The following L2HGDH variants were observed in gnomAD, a reference collection of about 807,000 sequenced individuals.
L2HGDH encodes the protein L-2-hydroxyglutarate dehydrogenase.
L2HGDH carries 34 observed loss-of-function variants against 51.5 expected under a neutral mutation model. That is an observed-to-expected ratio of 0.66 (90% CI 0.50 to 0.88). The LOEUF (loss-of-function observed/expected upper bound fraction) is 0.88. L2HGDH is among the 40% of genes least tolerant of loss of function. The probability of loss-of-function intolerance (pLI) is 0.00; values close to 1 mark genes in which losing one functional copy is unlikely to be tolerated. For synonymous variants in L2HGDH, 198 were observed against 197.9 expected, an observed-to-expected ratio of 1.00 and a Z score of -0.01; for missense variants, 558 against 571.9, an observed-to-expected ratio of 0.98 and a Z score of 0.25.
chr14:50,247,108 C>CA lies in L2HGDH; in HGVS notation c.1341dup (p.Ala448CysfsTer9), dbSNP rs1160947410. On this transcript the variant is annotated frameshift_variant, in exon 10 of 10. Coordinates refer to ENST00000267436, the MANE Select transcript of L2HGDH (RefSeq NM_024884.3). LOFTEE classifies it high-confidence loss of function. ...TCATCTGCAATCATTCCAGAAATTG[C>CA]AATGGAAGAAGTAGCAGCAGGAGAA... The CA allele has an allele frequency of 1.9e-6, 3 of 1,613,622 alleles. No individual in the cohort carries two copies. The highest frequency in any genetic ancestry group is 1.3e-5 in the African/African-American group (1 of 74,910).
chr14:50,245,919 C>T lies in L2HGDH; in HGVS notation c.*1139G>A, dbSNP rs1488401409. The T allele has an allele frequency of 9.0e-6, 5 of 556,054 alleles. No homozygotes were observed. Among genetic ancestry groups the T allele is most frequent in the African/African-American group, 4.1e-5 (2 of 48,790 alleles). 34.4% of individuals were successfully genotyped at this position (556,054 alleles called of 1,614,324 possible). On this transcript the variant is annotated 3_prime_UTR_variant, in exon 10 of 10. Coordinates refer to ENST00000267436, the MANE Select transcript of L2HGDH (RefSeq NM_024884.3). The stretch of plus-strand genomic sequence containing the variant: ...GGTGGATCACCTGAGGTCAGGAATT[C>T]GAGACCAGCCTGGCCAACATGGCAA...
intron 3 of L2HGDH, 143 bp from the exon 4 acceptor site, chr14:50,294,389 A>G: frequency 1.3e-6 from 1 of 758,624 alleles, no homozygotes. Context: ...CACATATCTA[A>G]TTCTTCCTTT....
At chr14:50,264,829 CAT>C (rs147763738) in intron 9 of L2HGDH, among the ~76,000 whole-genome samples, 5,403 of 152,248 alleles carry the variant, frequency 0.035, 314 homozygotes, top group African/African-American at 0.12. Context: ...AACCCCATGA[CAT>C]GTGTTTACCT....
chr14:50,265,086 T>A (rs1889261785), intron 9 of L2HGDH, among the ~76,000 whole-genome samples: 1 of 152,090 alleles, frequency 6.6e-6, no homozygotes, highest in Non-Finnish European at 1.5e-5. Context: ...TAAGGTAGCA[T>A]CACAATAAAG....
At position 50,308,343 on chromosome 14, in the gene L2HGDH, C is replaced by G. The variant is rs184903283; in HGVS notation, c.140+3668G>C. Among the ~76,000 whole-genome samples the G allele has an allele frequency of 2.9e-3, 442 of 150,552 alleles. 1 individual carries two copies. Among genetic ancestry groups the G allele is most frequent in the Non-Finnish European group, 4.1e-3 (278 of 67,884 alleles). ...AGGCCTCTGCGGTGAGCCGAGACCG[C>G]GCCACTGCGCTCCAGCCTGGGCAAC... is the stretch of plus-strand genomic sequence containing the variant. On this transcript the variant is annotated intron_variant, in intron 1 of 9. Transcript: ENST00000267436.
chr14:50,257,116 ACGGGGTTTTGC>A (rs1372873077), intron 9 of L2HGDH, among the ~76,000 whole-genome samples: 1 of 152,040 alleles, frequency 6.6e-6, no homozygotes, highest in Non-Finnish European at 1.5e-5. Context: ...TTTAGTAAAG[ACGGGGTTTTGC>A]CATGTTGGCT....
chr14:50,263,178 C>T lies in L2HGDH; in HGVS notation c.1196+2180G>A, dbSNP rs771271208. 3.2e-4 allele frequency among the ~76,000 whole-genome samples: 48 copies of T among 152,268 alleles called. No individual in the cohort carries two copies. The Middle Eastern group carries it at 0.014, about 43-fold the overall frequency. ...TCACTATGCTCACCTCGTTTGTTTT[C>T]CAAGGAATATCAATAGCAGTAATAG... On this transcript the variant is annotated intron_variant, in intron 9 of 9. Coordinates refer to ENST00000267436, the MANE Select transcript of L2HGDH (RefSeq NM_024884.3).
intron 1 of L2HGDH, among the ~76,000 whole-genome samples, chr14:50,310,962 G>A (rs1366239571): frequency 9.5e-6 from 1 of 105,126 alleles, no homozygotes; most frequent in Non-Finnish European, 1.8e-5. Context: ...TTTTTTTTGC[G>A]AGACAGAGTC....
At position 50,283,864 on chromosome 14, in the gene L2HGDH, G is replaced by A; in HGVS notation, c.703+7C>T. ...TATATTCAATAGAAAAGACAAGGAT[G>A]GCTTACCATCTATACTTCTTGAAGG... is the stretch of plus-strand genomic sequence containing the variant. On this transcript the variant is annotated splice_region_variant and intron_variant, in intron 5 of 9. Coordinates refer to ENST00000267436, the MANE Select transcript of L2HGDH (RefSeq NM_024884.3). 6.2e-7 allele frequency: 1 copy of A among 1,612,982 alleles called. No homozygotes were observed. Among genetic ancestry groups the A allele is most frequent in the Non-Finnish European group, 8.5e-7 (1 of 1,179,126 alleles).
In L2HGDH at chr14:50,244,975, A is replaced by G; in HGVS notation, c.*2083T>C. On this transcript the variant is annotated 3_prime_UTR_variant, in exon 10 of 10. Transcript: ENST00000267436. ...GTCAGGTCGCCACATTTTCATTTAC[A>G]ATTTCTATTTTCTAACTTTCTAAAT... The G allele has an allele frequency of 1.0e-6, 1 of 985,460 alleles. No individual in the cohort carries two copies. The highest frequency in any genetic ancestry group is 1.2e-6 in the Non-Finnish European group (1 of 829,864). The allele number at this position is 985,460 out of a possible 1,614,324, so 61.0% of individuals were successfully genotyped here. A position where few individuals can be genotyped will look rare whatever the true frequency, so the allele number is the denominator to read the frequency against.
chr14:50,289,991 C>T (rs760268916), intron 4 of L2HGDH, among the ~76,000 whole-genome samples: 1 of 152,126 alleles, frequency 6.6e-6, no homozygotes, highest in South Asian at 2.1e-4. Flanking sequence ...GTCGGCCAGG[C>T]GCAGTGGCTC....
At chr14:50,264,177 T>G (rs923171554) in intron 9 of L2HGDH, among the ~76,000 whole-genome samples, 35 of 148,800 alleles carry the variant, frequency 2.4e-4, no homozygotes, top group South Asian at 8.5e-4. Flanking sequence ...GTCGGGAGTT[T>G]GAGACCCGCC....
intron 9 of L2HGDH, among the ~76,000 whole-genome samples, chr14:50,262,221 C>A (rs1352764436): frequency 6.6e-6 from 1 of 152,022 alleles, no homozygotes; most frequent in African/African-American, 2.4e-5. Context: ...ATCATGAGGT[C>A]AGGAGATTGA....
At chr14:50,311,395 C>G (rs968116528) in intron 1 of L2HGDH, 6 of 455,928 alleles carry the variant, frequency 1.3e-5, no homozygotes, top group African/African-American at 6.0e-5. Flanking sequence ...ATAGCCAAAA[C>G]CTCTCCAAGC....
In L2HGDH at chr14:50,302,955, A is replaced by AT; in HGVS notation, c.202dup (p.Ile68AsnfsTer26). ...AATAGAAAGTGATGGATGTCGCAGG[A>AT]TGAGTGCTCTGGCAGAGGCAAGCCC... is the stretch of plus-strand genomic sequence containing the variant. On this transcript the variant is annotated frameshift_variant, in exon 2 of 10. Coordinates refer to ENST00000267436, the MANE Select transcript of L2HGDH (RefSeq NM_024884.3). LOFTEE classifies it high-confidence loss of function. 4 of 1,614,062 alleles carry AT rather than the reference A, an allele frequency of 2.5e-6. No homozygotes were observed. Among genetic ancestry groups the AT allele is most frequent in the Non-Finnish European group, 3.4e-6 (4 of 1,179,914 alleles).
chr14:50,248,979 ACAGAAC>A (rs1167447823), intron 9 of L2HGDH, among the ~76,000 whole-genome samples: 4 of 152,086 alleles, frequency 2.6e-5, no homozygotes, highest in Non-Finnish European at 5.9e-5. Flanking sequence ...TGGTGTGGAG[ACAGAAC>A]CTATGCACTT....
chr14:50,254,021 TGC>T (rs1888512551), intron 9 of L2HGDH, among the ~76,000 whole-genome samples: 1 of 151,958 alleles, frequency 6.6e-6, no homozygotes, highest in African/African-American at 2.4e-5. Flanking sequence ...AACCAGAGGC[TGC>T]GAAAGGTAGT....
At position 50,245,404 on chromosome 14, in the gene L2HGDH, GTGTACCAC is replaced by G. The variant is rs1887950886; in HGVS notation, c.*1646_*1653del. The stretch of plus-strand genomic sequence containing the variant: ...GATTGAAGAACAGGACAACCACTCA[GTGTACCAC>G]TGTTTAGATTTCATGATGATACCAT... On this transcript the variant is annotated 3_prime_UTR_variant, in exon 10 of 10. Transcript: ENST00000267436. The G allele has an allele frequency of 1.0e-6, 1 of 985,276 alleles. No homozygotes were observed. Among genetic ancestry groups the G allele is most frequent in the Non-Finnish European group, 1.2e-6 (1 of 829,862 alleles). 61.0% of individuals were successfully genotyped at this position (985,276 alleles called of 1,614,324 possible).
At chr14:50,247,623 GCAA>G (rs1888083314) in intron 9 of L2HGDH, among the ~76,000 whole-genome samples, 1 of 151,882 alleles carries the variant, frequency 6.6e-6, no homozygotes, top group African/African-American at 2.4e-5. Context: ...TCAATCAATG[GCAA>G]CAATAAGCCT....
Sources: gnomAD v4.1 joint callset for allele counts (sites outside exome capture counted in the v4.1 genomes callset) on GRCh38, gnomAD v4.1.1 for gene constraint, MANE v1.5 for transcripts, NCBI Gene and HGNC (gene_info 2026-07-23, HGNC 2026-07-21) for gene names.